CHMP1A: variants seen among roughly 807,000 people sequenced by gnomAD.
CHMP1A encodes the protein charged multivesicular body protein 1A.
CHMP1A carries 17 observed loss-of-function variants against 27.0 expected under a neutral mutation model. That is an observed-to-expected ratio of 0.63 (90% CI 0.43 to 0.95). The LOEUF is 0.95. Ranked by LOEUF, CHMP1A falls within the 40% of genes least tolerant of loss-of-function variation. The pLI is 0.00. For synonymous variants in CHMP1A, 131 were observed against 107.5 expected (o/e 1.22, Z -1.35); for missense variants, 275 against 264.0 (o/e 1.04, Z -0.29).
At chr16:89,650,033 ACT>A (rs2151514221) in intron 3 of CHMP1A, among the ~76,000 whole-genome samples, 1 of 152,028 alleles carries the variant, frequency 6.6e-6, no homozygotes, top group South Asian at 2.1e-4. Context: ...AGCGGGTGAC[ACT>A]CAGAGCCTGT....
At chr16:89,651,152 T>A (rs11643471) in intron 3 of CHMP1A, among the ~76,000 whole-genome samples, 21,872 of 151,998 alleles carry the variant, frequency 0.14, 1,703 homozygotes, top group South Asian at 0.23. Flanking sequence ...CCAAGGCAGG[T>A]GGGTCACTTG....
In CHMP1A at chr16:89,654,823, G is replaced by C. The variant is rs573691379; in HGVS notation, c.8-900C>G. Among the ~76,000 whole-genome samples, 32 of 151,996 alleles carry C rather than the reference G, an allele frequency of 2.1e-4. No homozygotes were observed. The South Asian group carries it at 3.7e-3, about 18-fold the overall frequency. ...CCAGGCGTGGTGGCGGGCGCCTGTAGTCCCAGCTACTCAGGAGGCTGAGGC... is the reference window on the plus strand; with the variant it reads ...CCAGGCGTGGTGGCGGGCGCCTGTACTCCCAGCTACTCAGGAGGCTGAGGC... On this transcript the variant is annotated intron_variant, in intron 1 of 6. Transcript: ENST00000397901.
chr16:89,646,884 G>GTC, intron 5 of CHMP1A, 170 bp from the exon 6 acceptor site: 13 of 709,052 alleles, frequency 1.8e-5, no homozygotes, highest in Non-Finnish European at 1.9e-5. Context: ...AGCCTTTCCT[G>GTC]CCCCCCCACC....
intron 2 of CHMP1A, among the ~76,000 whole-genome samples, chr16:89,653,297 C>T (rs2059839251): frequency 1.4e-5 from 2 of 146,898 alleles, no homozygotes; most frequent in Admixed American, 6.7e-5. Flanking sequence ...GCGTGAGCCA[C>T]CGCGCCTGGC....
chr16:89,656,935 C>A (rs1158892548), intron 1 of CHMP1A, among the ~76,000 whole-genome samples: 1 of 151,218 alleles, frequency 6.6e-6, no homozygotes, highest in Admixed American at 6.6e-5. Context: ...GCAAGGGGTC[C>A]TGGGTCGGGA....
In CHMP1A at chr16:89,644,539, G is replaced by A. The variant is rs2059758905; in HGVS notation, c.*1527C>T. The A allele has an allele frequency of 1.3e-5, 2 of 152,236 alleles. No individual in the cohort carries two copies. The highest frequency in any genetic ancestry group is 1.3e-4 in the Admixed American group (2 of 15,272). 9.4% of individuals were successfully genotyped at this position (152,236 alleles called of 1,614,324 possible). On this transcript the variant is annotated 3_prime_UTR_variant, in exon 7 of 7. Coordinates refer to ENST00000397901, the MANE Select transcript of CHMP1A (RefSeq NM_002768.5). ...GACAGGACTGAGGCAGCCCCACCTG[G>A]CCCATGGCTCTGCAGAGCTCTGCAC...
intron 1 of CHMP1A, among the ~76,000 whole-genome samples, chr16:89,655,658 C>G (rs1398011660): frequency 6.6e-6 from 1 of 151,698 alleles, no homozygotes; most frequent in South Asian, 2.1e-4. Flanking sequence ...CGGAGTCTCA[C>G]TCTATCACCC....
chr16:89,654,911 C>G (rs113494649), intron 1 of CHMP1A, among the ~76,000 whole-genome samples: 4,736 of 151,594 alleles, frequency 0.031, 240 homozygotes, highest in African/African-American at 0.11. Flanking sequence ...CCACTGCACT[C>G]CAGCCTGGGC....
In CHMP1A at chr16:89,657,445, G is replaced by A. The variant is rs1254527297; in HGVS notation, c.7+137C>T. 3.8e-6 allele frequency: 4 copies of A among 1,064,880 alleles called. No homozygotes were observed. In the East Asian group the frequency reaches 8.7e-5, roughly 23 times the overall value. The allele number at this position is 1,064,880 out of a possible 1,614,324, so 66.0% of individuals were successfully genotyped here. On this transcript the variant is annotated intron_variant, in intron 1 of 6. Transcript: ENST00000397901. ...TCGGTGGTCGAGGCCCTGGGGATGG[G>A]GTCCCGGGGGATCGACGGTCGAGGC...
intron 2 of CHMP1A, among the ~76,000 whole-genome samples, chr16:89,652,226 C>A (rs2059830181): frequency 6.6e-6 from 1 of 151,952 alleles, no homozygotes; most frequent in Non-Finnish European, 1.5e-5. Flanking sequence ...TCTGGCAACC[C>A]ACCCGGAACC....
chr16:89,649,966 C>A (rs1318826669), intron 3 of CHMP1A, among the ~76,000 whole-genome samples: 3 of 152,152 alleles, frequency 2.0e-5, no homozygotes, highest in Non-Finnish European at 4.4e-5. Context: ...CCCAGCCCCC[C>A]AAGCAGGCTT....
At chr16:89,647,153 C>A in intron 5 of CHMP1A, 50 bp downstream of exon 5, 13 of 1,595,188 alleles carry the variant, frequency 8.1e-6, no homozygotes, top group Non-Finnish European at 9.4e-6. Context: ...GAGCTGCCCA[C>A]ACACGCTCCT....
intron 2 of CHMP1A, among the ~76,000 whole-genome samples, chr16:89,653,245 T>C (rs1216525215): frequency 2.7e-5 from 4 of 149,288 alleles, no homozygotes; most frequent in Admixed American, 6.6e-5. Context: ...CCTGACCTTG[T>C]GATCCACCCC....
At chr16:89,653,615 G>A (rs1457179249) in intron 2 of CHMP1A, among the ~76,000 whole-genome samples, 1 of 80,454 alleles carries the variant, frequency 1.2e-5, no homozygotes, top group African/African-American at 5.1e-5. Flanking sequence ...GGAGTGAGAC[G>A]CCGTCTCAAA....
chr16:89,646,884 G>GGGCCCCC, intron 5 of CHMP1A, 170 bp from the exon 6 acceptor site: 1 of 709,048 alleles, frequency 1.4e-6, no homozygotes, highest in Non-Finnish European at 2.4e-6. Flanking sequence ...AGCCTTTCCT[G>GGGCCCCC]CCCCCCCACC....
At chr16:89,656,567 T>C (rs2059873402) in intron 1 of CHMP1A, among the ~76,000 whole-genome samples, 1 of 152,194 alleles carries the variant, frequency 6.6e-6, no homozygotes, top group South Asian at 2.1e-4. Context: ...TAGCCCCAGA[T>C]GTAGAAGGTA....
chr16:89,646,489 T>G, intron 6 of CHMP1A, 38 bp downstream of exon 6: 1 of 1,520,656 alleles, frequency 6.6e-7, no homozygotes, highest in South Asian at 1.2e-5. Context: ...CACCAGAGCG[T>G]GGGGTTGGTG....
chr16:89,647,467 G>A (rs2151511974), intron 4 of CHMP1A, 136 bp from the exon 5 acceptor site: 4 of 762,548 alleles, frequency 5.2e-6, no homozygotes, highest in Non-Finnish European at 8.3e-6. Flanking sequence ...ACTCTGGGCT[G>A]AGCCATCATC....
Position 89,646,051 on chromosome 16 carries a change from A to G in CHMP1A, c.*15T>C, listed in dbSNP as rs1160448395. 7 of 1,578,818 alleles carry G rather than the reference A, an allele frequency of 4.4e-6. No homozygotes were observed. Among genetic ancestry groups the G allele is most frequent in the Non-Finnish European group, 6.0e-6 (7 of 1,162,212 alleles). On this transcript the variant is annotated 3_prime_UTR_variant, in exon 7 of 7. Transcript: ENST00000397901. ...ACATCACGGGGCAGAGGCGGTGCAC[A>G]CCGGCGGGGCACGGCTAGTTCCTCA... is the stretch of plus-strand genomic sequence containing the variant.
Sources: gnomAD v4.1 joint callset for allele counts (sites outside exome capture counted in the v4.1 genomes callset) on GRCh38, gnomAD v4.1.1 for gene constraint, MANE v1.5 for transcripts, NCBI Gene and HGNC (gene_info 2026-07-23, HGNC 2026-07-21) for gene names.